Variants in LRRC28 observed in about 807,000 individuals in gnomAD.
LRRC28 encodes the protein leucine rich repeat containing 28.
In LRRC28, 39 loss-of-function variants were observed where a neutral mutation model predicts 45.7. The observed-to-expected ratio is 0.85, with a 90% CI of 0.66 to 1.12. The LOEUF is 1.12. Ranked by LOEUF, LRRC28 falls within the 50% of genes most tolerant of loss-of-function variation. The probability of loss-of-function intolerance (pLI) is 0.00; values close to 1 mark genes in which losing one functional copy is unlikely to be tolerated. For synonymous variants in LRRC28, 206 were observed against 178.8 expected, an observed-to-expected ratio of 1.15 and a Z score of -1.22; for missense variants, 435 against 438.5, an observed-to-expected ratio of 0.99 and a Z score of 0.07.
At chr15:99,319,884 A>T (rs568489974) in intron 5 of LRRC28, among the ~76,000 whole-genome samples, 1 of 151,982 alleles carries the variant, frequency 6.6e-6, no homozygotes, top group Non-Finnish European at 1.5e-5. Flanking sequence ...GCTCACTGCA[A>T]CCTCTGCCTC....
chr15:99,334,436 T>A (rs1336730523), intron 6 of LRRC28, among the ~76,000 whole-genome samples: 7 of 149,068 alleles, frequency 4.7e-5, no homozygotes, highest in Non-Finnish European at 3.0e-5. Context: ...TGTGTGTGTG[T>A]GTGTAAGGTA....
chr15:99,258,729 G>A (rs7162949), intron 2 of LRRC28: 456,034 of 700,948 alleles, frequency 0.65, 148,692 homozygotes, highest in Middle Eastern at 0.72. Context: ...CCTGTGGCTT[G>A]TATTCACTTT....
chr15:99,382,198 T>A (rs1957849712), intron 9 of LRRC28, among the ~76,000 whole-genome samples: 1 of 152,238 alleles, frequency 6.6e-6, no homozygotes, highest in African/African-American at 2.4e-5. Flanking sequence ...GCTTCCTGGC[T>A]GCTTCGTTTA....
At chr15:99,300,998 A>G (rs931171117) in intron 5 of LRRC28, among the ~76,000 whole-genome samples, 1 of 152,206 alleles carries the variant, frequency 6.6e-6, no homozygotes, top group Non-Finnish European at 1.5e-5. Flanking sequence ...CTCTGTGTAC[A>G]TAATCAGTGA....
At chr15:99,285,432 G>A in intron 3 of LRRC28, 2 of 782,008 alleles carry the variant, frequency 2.6e-6, no homozygotes, top group South Asian at 1.4e-5. Flanking sequence ...GCTTGGTGTT[G>A]GGATCTCCCA....
chr15:99,287,386 A>C, intron 4 of LRRC28, 92 bp downstream of exon 4: 1 of 961,812 alleles, frequency 1.0e-6, no homozygotes, highest in Non-Finnish European at 1.5e-6. Flanking sequence ...GACACCTTTA[A>C]TTTTTTAGCT....
At chr15:99,347,849 C>G (rs977933239) in intron 6 of LRRC28, among the ~76,000 whole-genome samples, 1 of 152,118 alleles carries the variant, frequency 6.6e-6, no homozygotes, top group Non-Finnish European at 1.5e-5. Context: ...CTTTAGGAAC[C>G]TCCATACTGT....
chr15:99,352,219 G>A (rs1597406987), intron 6 of LRRC28, 150 bp from the exon 7 acceptor site: 1 of 607,136 alleles, frequency 1.6e-6, no homozygotes, highest in Non-Finnish European at 2.8e-6. Flanking sequence ...TGTTTAGGCT[G>A]ACCCATAACT....
At chr15:99,258,812 G>A (rs1277874303) in intron 2 of LRRC28, 6 of 697,232 alleles carry the variant, frequency 8.6e-6, no homozygotes, top group Admixed American at 7.3e-5. Flanking sequence ...CCTATTTGAT[G>A]AATATGGATC....
chr15:99,257,088 A>G (rs1474180351), intron 2 of LRRC28, among the ~76,000 whole-genome samples: 1 of 152,172 alleles, frequency 6.6e-6, no homozygotes, highest in Admixed American at 6.5e-5. Flanking sequence ...GAAAAGTTTT[A>G]TTTAATCTAT....
At chr15:99,341,818 G>A (rs1956522224) in intron 6 of LRRC28, among the ~76,000 whole-genome samples, 1 of 152,104 alleles carries the variant, frequency 6.6e-6, no homozygotes, top group Admixed American at 6.5e-5. Flanking sequence ...TTTAAATAGT[G>A]ACAAAAATGT....
At chr15:99,350,778 T>C (rs1488112855) in intron 6 of LRRC28, among the ~76,000 whole-genome samples, 6 of 152,170 alleles carry the variant, frequency 3.9e-5, no homozygotes, top group Non-Finnish European at 8.8e-5. Flanking sequence ...TTTCAAAGAC[T>C]ATGTTCTTTC....
At position 99,307,203 on chromosome 15, in the gene LRRC28, G is replaced by A. The variant is rs191766590; in HGVS notation, c.385+19252G>A. Among the ~76,000 whole-genome samples, 15 of 152,268 alleles carry A rather than the reference G, an allele frequency of 9.9e-5. No individual in the cohort carries two copies. In the East Asian group the frequency reaches 2.7e-3, roughly 27 times the overall value. On this transcript the variant is annotated intron_variant, in intron 5 of 9. Coordinates refer to ENST00000301981, the MANE Select transcript of LRRC28 (RefSeq NM_144598.5). The stretch of plus-strand genomic sequence containing the variant: ...AGAAATGAAGAATTCTAATACTTGG[G>A]ACACTGTGGGTTGGGTAGGGAGAAC...
Position 99,276,557 on chromosome 15 carries a change from C to T in LRRC28, c.169-19C>T. The T allele has an allele frequency of 6.5e-7, 1 of 1,544,712 alleles. No homozygotes were observed. The highest frequency in any genetic ancestry group is 8.7e-7 in the Non-Finnish European group (1 of 1,151,350). ...CATTTTTCAAAAATAAAATTTAATTCTGAGTTTTTAATTTTCAGCCAGAAA... is the reference window on the plus strand; with the variant it reads ...CATTTTTCAAAAATAAAATTTAATTTTGAGTTTTTAATTTTCAGCCAGAAA... On this transcript the variant is annotated intron_variant, in intron 2 of 9. Coordinates refer to ENST00000301981, the MANE Select transcript of LRRC28 (RefSeq NM_144598.5).
In LRRC28 at chr15:99,276,578, A is replaced by G; in HGVS notation, c.171A>G (p.Pro57=). 3.3e-6 allele frequency: 5 copies of G among 1,535,646 alleles called. No homozygotes were observed. Among genetic ancestry groups the G allele is most frequent in the Non-Finnish European group, 4.3e-6 (5 of 1,149,526 alleles). The change falls in exon 3 of 10, where the codon CCA becomes CCG. Residue 57 remains proline (P), a splice_region_variant and synonymous_variant. Coordinates refer to ENST00000301981, the MANE Select transcript of LRRC28 (RefSeq NM_144598.5). ...AATTCTGAGTTTTTAATTTTCAGCC[A>G]GAAAACCTTGCTCAGAAGCTTCCAA... ...YMKRNSLTSL[P]ENLAQKLPNL... is the part of the protein sequence containing the mutation.
intron 5 of LRRC28, among the ~76,000 whole-genome samples, chr15:99,308,629 C>T (rs1955282093): frequency 6.6e-6 from 1 of 152,146 alleles, no homozygotes; most frequent in South Asian, 2.1e-4. Flanking sequence ...CCTATGAACG[C>T]TCCACTGCAC....
At chr15:99,376,157 A>G (rs977730415) in intron 9 of LRRC28, among the ~76,000 whole-genome samples, 1 of 151,830 alleles carries the variant, frequency 6.6e-6, no homozygotes, top group Admixed American at 6.6e-5. Context: ...TTTGAATCGT[A>G]TTTTCATCTT....
rs139086387 is a variant in LRRC28, at chr15:99,321,031, A to G, written c.386-12892A>G. The stretch of plus-strand genomic sequence containing the variant: ...TGAGTATGTTACTCAGAGGATGCCA[A>G]TCTTGTTTAAACATGAAAAAAATGT... On this transcript the variant is annotated intron_variant, in intron 5 of 9. Transcript: ENST00000301981. Among the ~76,000 whole-genome samples, 1,225 of 152,302 alleles carry G rather than the reference A, an allele frequency of 8.0e-3. 54 individuals are homozygous for G. The highest frequency in any genetic ancestry group is 0.068 in the Admixed American group (1,037 of 15,294).
intron 9 of LRRC28, among the ~76,000 whole-genome samples, chr15:99,370,727 G>A (rs1344497527): frequency 6.6e-6 from 1 of 152,106 alleles, no homozygotes; most frequent in Non-Finnish European, 1.5e-5. Flanking sequence ...ATAAAAGATT[G>A]CATAGTGTGA....
Sources: allele counts gnomAD v4.1 joint callset (sites outside exome capture counted in the v4.1 genomes callset), GRCh38; gene constraint gnomAD v4.1.1; transcripts MANE v1.5; gene names NCBI Gene and HGNC (gene_info 2026-07-23, HGNC 2026-07-21).